Variants in GSTA1 observed in about 807,000 individuals in gnomAD.
The protein encoded by GSTA1 is glutathione S-transferase alpha 1, also known as glutathione S-transferase A1.
A neutral mutation model predicts 21.5 loss-of-function variants in GSTA1; 23 were observed. That is an observed-to-expected ratio of 1.07 (90% CI 0.77 to 1.52). The LOEUF (loss-of-function observed/expected upper bound fraction) is 1.52. GSTA1 is among the 40% of genes most tolerant of loss of function. The pLI, the probability that GSTA1 is intolerant of heterozygous loss-of-function variation, is 0.00. For missense variants in GSTA1, 301 were observed against 264.2 expected (o/e 1.14, Z -0.96); for synonymous variants, 125 against 90.0 (o/e 1.39, Z -2.20).
rs1195354453 is a variant in GSTA1 at position 52,792,841 on chromosome 6, T to G, written c.546+15A>C. 6.2e-7 allele frequency: 1 copy of G among 1,613,646 alleles called. No individual in the cohort carries two copies. The highest frequency in any genetic ancestry group is 8.5e-7 in the Non-Finnish European group (1 of 1,179,766). On this transcript the variant is annotated intron_variant, in intron 6 of 6. Transcript: ENST00000334575. ...GAGATGTGGGGCTGCCTCTCTGGGC[T>G]GTGAAATGGGTCACCTTCAGCAGAG...
chr6:52,801,676 T>C (rs1358480682), intron 1 of GSTA1, among the ~76,000 whole-genome samples: 2 of 152,230 alleles, frequency 1.3e-5, no homozygotes, highest in Admixed American at 6.5e-5. Flanking sequence ...TAGGTTACCA[T>C]TGAGCTTTGT....
At chr6:52,799,096 A>T (rs1450897256) in intron 2 of GSTA1, 85 bp downstream of exon 2, 17 of 1,267,824 alleles carry the variant, frequency 1.3e-5, no homozygotes, top group Admixed American at 3.5e-5. Context: ...ATGCTTCAGT[A>T]AGCAACATCT....
chr6:52,795,561 T>A (rs1446862143), intron 4 of GSTA1, among the ~76,000 whole-genome samples: 5 of 152,212 alleles, frequency 3.3e-5, no homozygotes, highest in African/African-American at 1.2e-4. Flanking sequence ...TCAGGATTTA[T>A]TTGGAATCAT....
chr6:52,801,186 T>G (rs6916762), intron 1 of GSTA1, among the ~76,000 whole-genome samples: 2 of 152,110 alleles, frequency 1.3e-5, no homozygotes, highest in Admixed American at 1.3e-4. Flanking sequence ...CGGCCTCAAC[T>G]AATGTATTTC....
rs748577271 is a variant in GSTA1 at position 52,794,250 on chromosome 6, C to A, written c.289G>T (p.Glu97Ter). The A allele has an allele frequency of 6.2e-7, 1 of 1,613,286 alleles. No individual in the cohort carries two copies. The highest frequency in any genetic ancestry group is 1.3e-5 in the African/African-American group (1 of 75,014). Residue 97 changes from glutamate (E) to a stop codon, truncating the protein, a stop_gained, in exon 5 of 7, where the codon GAA becomes TAA. Transcript: ENST00000334575. LOFTEE classifies it high-confidence loss of function. Reference sequence around the variant, plus strand: ...ATTTCACCCAAATCTGCTATACCTTCTATATACATATCAATCCTGAAAGAC... The same window carrying A: ...ATTTCACCCAAATCTGCTATACCTTATATATACATATCAATCCTGAAAGAC... ...KERALIDMYI[E>*]GIADLGEMIL...
chr6:52,800,589 T>C (rs561612287), intron 1 of GSTA1, among the ~76,000 whole-genome samples: 5 of 152,338 alleles, frequency 3.3e-5, no homozygotes, highest in East Asian at 3.9e-4. Context: ...TCAGTGAAGT[T>C]TGATAGCCCT....
At chr6:52,795,839 G>A (rs575961602) in intron 4 of GSTA1, among the ~76,000 whole-genome samples, 1 of 152,200 alleles carries the variant, frequency 6.6e-6, no homozygotes, top group East Asian at 1.9e-4. Flanking sequence ...CATATTCTAT[G>A]CCTGTCCTAA....
At chr6:52,803,159 C>G (rs969838648) in intron 1 of GSTA1, among the ~76,000 whole-genome samples, 1 of 152,138 alleles carries the variant, frequency 6.6e-6, no homozygotes, top group African/African-American at 2.4e-5. Flanking sequence ...CTAGAGTGAG[C>G]AGGACAGATC....
intron 1 of GSTA1, among the ~76,000 whole-genome samples, chr6:52,801,753 C>T (rs927727728): frequency 5.9e-5 from 9 of 152,184 alleles, no homozygotes; most frequent in African/African-American, 2.2e-4. Flanking sequence ...ACATGCTCCT[C>T]ATTCATAGTC....
intron 4 of GSTA1, 78 bp from the exon 5 acceptor site, chr6:52,794,344 G>C (rs1223318643): frequency 9.7e-6 from 14 of 1,440,316 alleles, no homozygotes; most frequent in Admixed American, 8.5e-5. Context: ...TAAGGGAGTA[G>C]AGTATCAGGT....
intron 3 of GSTA1, among the ~76,000 whole-genome samples, chr6:52,796,991 A>G (rs1324827670): frequency 6.6e-6 from 1 of 152,074 alleles, no homozygotes; most frequent in Non-Finnish European, 1.5e-5. Context: ...ATCTTCATGG[A>G]TATTTTAGGA....
intron 1 of GSTA1, among the ~76,000 whole-genome samples, chr6:52,801,887 T>A (rs1197306403): frequency 2.0e-5 from 3 of 152,120 alleles, no homozygotes; most frequent in Non-Finnish European, 4.4e-5. Context: ...GCACACTTGG[T>A]GAGTGTTGGG....
rs150231999 is a variant in GSTA1, at chr6:52,799,401, C to T, written c.-30-104G>A. ...CCAACAATACTGAAGAAGAACCTTC[C>T]TTCTTCATGACTGTGTTGGAGGAGT... On this transcript the variant is annotated intron_variant, in intron 1 of 6. Transcript: ENST00000334575. 170 of 732,906 alleles carry T rather than the reference C, an allele frequency of 2.3e-4. No individual in the cohort carries two copies. In the African/African-American group the frequency reaches 2.9e-3, roughly 13 times the overall value. The allele number at this position is 732,906 out of a possible 1,614,324, so 45.4% of individuals were successfully genotyped here.
chr6:52,803,306 G>C (rs1006452887), intron 1 of GSTA1, among the ~76,000 whole-genome samples: 1 of 152,082 alleles, frequency 6.6e-6, no homozygotes, highest in Non-Finnish European at 1.5e-5. Context: ...AGTGGCAAAG[G>C]CTCAACTAGA....
rs763303410 is a variant in GSTA1, at chr6:52,796,327, GA to G, written c.140-14del. 11 of 1,604,662 alleles carry G rather than the reference GA, an allele frequency of 6.9e-6. No homozygotes were observed. The highest frequency in any genetic ancestry group is 8.5e-6 in the Non-Finnish European group (10 of 1,177,276). ...ATCAAATATCCATCTTTAGAAGGAA[GA>G]AAAAAAAGGAGAGTGAAGTGTCTAT... On this transcript the variant is annotated splice_polypyrimidine_tract_variant and intron_variant, in intron 3 of 6. Transcript: ENST00000334575.
chr6:52,794,543 A>T (rs1468004525), intron 4 of GSTA1, among the ~76,000 whole-genome samples: 1 of 152,214 alleles, frequency 6.6e-6, no homozygotes, highest in Non-Finnish European at 1.5e-5. Context: ...AAATTGGCAG[A>T]ATCACTGCCA....
intron 3 of GSTA1, among the ~76,000 whole-genome samples, chr6:52,796,747 TG>T (rs1763600643): frequency 6.6e-6 from 1 of 151,050 alleles, no homozygotes; most frequent in Non-Finnish European, 1.5e-5. Context: ...CTCACCATGT[TG>T]GCCAAACTGG....
Position 52,796,455 on chromosome 6 carries a change from C to CTATATA in GSTA1, c.140-147_140-142dup, listed in dbSNP as rs70977384. Reference sequence around the variant, plus strand: ...GGTAAGATTTCACTTGAAACAAAAACTATATATATATATATATATATATAT... The same window carrying CTATATA: ...GGTAAGATTTCACTTGAAACAAAAACTATATATATATATATATATATATATATATAT... On this transcript the variant is annotated intron_variant, in intron 3 of 6. Transcript: ENST00000334575. The CTATATA allele has an allele frequency of 2.0e-5, 5 of 250,200 alleles. No homozygotes were observed. The African/African-American group carries it at 3.3e-4, about 17-fold the overall frequency. The allele number at this position is 250,200 out of a possible 1,614,324, so 15.5% of individuals were successfully genotyped here. A position where few individuals can be genotyped will look rare whatever the true frequency, so the allele number is the denominator to read the frequency against.
At chr6:52,795,030 A>T (rs997804407) in intron 4 of GSTA1, among the ~76,000 whole-genome samples, 4 of 152,244 alleles carry the variant, frequency 2.6e-5, no homozygotes, top group African/African-American at 9.6e-5. Context: ...GTGCACTCAC[A>T]GAAATCTGTA....
Sources: allele counts gnomAD v4.1 joint callset (sites outside exome capture counted in the v4.1 genomes callset), GRCh38; gene constraint gnomAD v4.1.1; transcripts MANE v1.5; gene names NCBI Gene and HGNC (gene_info 2026-07-23, HGNC 2026-07-21).